The following TMEM33 variants were observed in gnomAD, a reference collection of about 807,000 sequenced individuals.
The protein encoded by TMEM33 is transmembrane protein 33.
In TMEM33, 16 loss-of-function variants were observed where a neutral mutation model predicts 29.7. The observed-to-expected ratio is 0.54, with a 90% CI of 0.36 to 0.82. TMEM33 has a LOEUF of 0.82. TMEM33 is among the 40% of genes least tolerant of loss of function. TMEM33 has a pLI of 0.00. For synonymous variants in TMEM33, 112 were observed against 109.4 expected, an observed-to-expected ratio of 1.02 and a Z score of -0.15; for missense variants, 252 against 295.3, an observed-to-expected ratio of 0.85 and a Z score of 1.08.
At chr4:41,938,962 T>C (rs181330200) in intron 2 of TMEM33, among the ~76,000 whole-genome samples, 3 of 152,382 alleles carry the variant, frequency 2.0e-5, no homozygotes, top group Non-Finnish European at 4.4e-5. Context: ...TTTTTACTTA[T>C]TACTTGACAG....
At chr4:41,947,617 A>G (rs1399322240) in intron 5 of TMEM33, among the ~76,000 whole-genome samples, 1 of 152,242 alleles carries the variant, frequency 6.6e-6, no homozygotes, top group Non-Finnish European at 1.5e-5. Flanking sequence ...TTGAAAAATT[A>G]AAATCAGCTT....
intron 5 of TMEM33, among the ~76,000 whole-genome samples, chr4:41,946,935 A>C (rs1332347680): frequency 1.3e-5 from 2 of 152,118 alleles, no homozygotes; most frequent in East Asian, 3.9e-4. Context: ...ACTAGATGAA[A>C]GTTAAAATGG....
At chr4:41,943,453 A>C (rs1184274308) in intron 3 of TMEM33, among the ~76,000 whole-genome samples, 1 of 151,952 alleles carries the variant, frequency 6.6e-6, no homozygotes, top group Admixed American at 6.6e-5. Flanking sequence ...TGAACCCAGG[A>C]GGTGGAGGTT....
chr4:41,958,631 T>C lies in TMEM33; in HGVS notation c.*4432T>C, dbSNP rs1025468397. 6 of 151,834 alleles carry C rather than the reference T, an allele frequency of 4.0e-5. No homozygotes were observed. Among genetic ancestry groups the C allele is most frequent in the Non-Finnish European group, 8.8e-5 (6 of 67,990 alleles). 9.4% of individuals were successfully genotyped at this position (151,834 alleles called of 1,614,324 possible). ...AAAAGCATATTGAAATTTGTAGATA[T>C]TATATGAGGAATGGCACCTAGATTT... On this transcript the variant is annotated 3_prime_UTR_variant, in exon 7 of 7. Coordinates refer to ENST00000504986, the MANE Select transcript of TMEM33 (RefSeq NM_018126.3).
At chr4:41,941,843 CAGAT>C (rs1027933742) in intron 3 of TMEM33, among the ~76,000 whole-genome samples, 31 of 152,338 alleles carry the variant, frequency 2.0e-4, no homozygotes, top group African/African-American at 5.1e-4. Flanking sequence ...TGATTAATAA[CAGAT>C]AGGGCATTTC....
At chr4:41,947,098 TG>T (rs926828839) in intron 5 of TMEM33, among the ~76,000 whole-genome samples, 23 of 152,082 alleles carry the variant, frequency 1.5e-4, no homozygotes, top group African/African-American at 4.8e-4. Flanking sequence ...TAGCTGGGCC[TG>T]GTGGTGTGTG....
chr4:41,958,817 T>C lies in TMEM33; in HGVS notation c.*4618T>C, dbSNP rs1713377837. The C allele has an allele frequency of 6.7e-6, 1 of 149,884 alleles. No homozygotes were observed. Among genetic ancestry groups the C allele is most frequent in the South Asian group, 2.2e-4 (1 of 4,634 alleles). The allele number at this position is 149,884 out of a possible 1,614,324, so 9.3% of individuals were successfully genotyped here. A position where few individuals can be genotyped will look rare whatever the true frequency, so the allele number is the denominator to read the frequency against. ...TCTGCCTCCTGGGTTAAAGCGATTCTCATGCCTCAGCCTCCCTAGTAGCTG... is the reference window on the plus strand; with the variant it reads ...TCTGCCTCCTGGGTTAAAGCGATTCCCATGCCTCAGCCTCCCTAGTAGCTG... On this transcript the variant is annotated 3_prime_UTR_variant, in exon 7 of 7. Coordinates refer to ENST00000504986, the MANE Select transcript of TMEM33 (RefSeq NM_018126.3).
Position 41,954,540 on chromosome 4 carries a change from G to A in TMEM33, c.*341G>A. On this transcript the variant is annotated 3_prime_UTR_variant, in exon 7 of 7. Coordinates refer to ENST00000504986, the MANE Select transcript of TMEM33 (RefSeq NM_018126.3). ...CTCTAAAATTTGTTTCAACCTAATT[G>A]GTAACCTGAGTTTATATCTGGCATG... The A allele has an allele frequency of 6.0e-6, 1 of 166,276 alleles. No homozygotes were observed. Among genetic ancestry groups the A allele is most frequent in the Non-Finnish European group, 1.3e-5 (1 of 76,240 alleles). 10.3% of individuals were successfully genotyped at this position (166,276 alleles called of 1,614,324 possible). A position where few individuals can be genotyped will look rare whatever the true frequency, so the allele number is the denominator to read the frequency against.
intron 5 of TMEM33, among the ~76,000 whole-genome samples, chr4:41,947,248 AAGAT>A (rs1297383887): frequency 1.3e-5 from 2 of 152,080 alleles, no homozygotes; most frequent in Non-Finnish European, 1.5e-5. Context: ...AAAAAAAAAA[AAGAT>A]AGATACCGAG....
In TMEM33 at chr4:41,958,586, T is replaced by C. The variant is rs1446704717; in HGVS notation, c.*4387T>C. 1.3e-5 allele frequency: 2 copies of C among 151,674 alleles called. No individual in the cohort carries two copies. Among genetic ancestry groups the C allele is most frequent in the African/African-American group, 4.9e-5 (2 of 40,952 alleles). The allele number at this position is 151,674 out of a possible 1,614,324, so 9.4% of individuals were successfully genotyped here. A position where few individuals can be genotyped will look rare whatever the true frequency, so the allele number is the denominator to read the frequency against. ...AGCCCGTTGAACCTCTTTTAAAATTTAGACTTTTGATAGTAATATAAAAGC... is the reference window on the plus strand; with the variant it reads ...AGCCCGTTGAACCTCTTTTAAAATTCAGACTTTTGATAGTAATATAAAAGC... On this transcript the variant is annotated 3_prime_UTR_variant, in exon 7 of 7. Transcript: ENST00000504986.
intron 3 of TMEM33, among the ~76,000 whole-genome samples, chr4:41,943,132 G>T (rs1013692652): frequency 6.6e-6 from 1 of 152,158 alleles, no homozygotes; most frequent in Non-Finnish European, 1.5e-5. Flanking sequence ...ACCCTTTGGG[G>T]TGGCCTAGAT....
At chr4:41,935,559 G>C (rs755847911) in intron 1 of TMEM33, 30 bp downstream of exon 1, 2 of 1,591,008 alleles carry the variant, frequency 1.3e-6, no homozygotes, top group African/African-American at 1.3e-5. Flanking sequence ...AGTCTGGCTT[G>C]ATTTGCAAGA....
rs775121476 is a variant in TMEM33, at chr4:41,944,924, T to C, written c.528T>C (p.Phe176=). Residue 176 remains phenylalanine (F), a splice_region_variant and synonymous_variant, in exon 5 of 7, where the codon TTT becomes TTC. Transcript: ENST00000504986. ...FLMPATVFML[F]SGQGSLLQPF... ...TGCCTGCGACAGTTTTTATGCTTTT[T>C]AGGTAAGGAAAAATTATATTTGTTT... 4.0e-5 allele frequency: 64 copies of C among 1,609,142 alleles called. 1 individual carries two copies. Among genetic ancestry groups the C allele is most frequent in the Non-Finnish European group, 5.4e-5 (64 of 1,178,946 alleles).
intron 3 of TMEM33, among the ~76,000 whole-genome samples, chr4:41,942,873 A>G (rs1242701012): frequency 6.6e-6 from 1 of 152,240 alleles, no homozygotes; most frequent in African/African-American, 2.4e-5. Context: ...GTTAATTTTT[A>G]CAAATTGAGA....
intron 3 of TMEM33, among the ~76,000 whole-genome samples, chr4:41,941,012 ACTT>A (rs1277922832): frequency 2.6e-5 from 4 of 152,270 alleles, no homozygotes; most frequent in Admixed American, 6.5e-5. Context: ...GGTGAGTAAT[ACTT>A]AAGTATACAT....
In TMEM33 at chr4:41,938,631, G is replaced by A. The variant is rs774432694; in HGVS notation, c.75G>A (p.Thr25=). The A allele has an allele frequency of 1.7e-5, 28 of 1,613,876 alleles. No individual in the cohort carries two copies. The highest frequency in any genetic ancestry group is 3.3e-5 in the South Asian group (3 of 91,086). Reference sequence around the variant, plus strand: ...TCATGATGACCAATAAACTGGACACGGCAATGTGGCTTTCTCGCTTGTTCA... The same window carrying A: ...TCATGATGACCAATAAACTGGACACAGCAATGTGGCTTTCTCGCTTGTTCA... The part of the protein sequence containing the change: ...VQFMMTNKLD[T]AMWLSRLFTV... Residue 25 remains threonine, a synonymous_variant, in exon 2 of 7, where the codon ACG becomes ACA. Transcript: ENST00000504986.
chr4:41,949,386 G>A lies in TMEM33; in HGVS notation c.614+1G>A. ...CGTCTCGAAGAAACCCATATTGTCG[G>A]TAAGCTGATGATTATTTTAGGCATG... is the stretch of plus-strand genomic sequence containing the variant. On this transcript the variant is annotated splice_donor_variant, in intron 6 of 6. Coordinates refer to ENST00000504986, the MANE Select transcript of TMEM33 (RefSeq NM_018126.3). LOFTEE classifies it high-confidence loss of function. The A allele has an allele frequency of 6.2e-7, 1 of 1,602,578 alleles. No individual in the cohort carries two copies. The highest frequency in any genetic ancestry group is 8.5e-7 in the Non-Finnish European group (1 of 1,173,122).
intron 6 of TMEM33, among the ~76,000 whole-genome samples, chr4:41,951,329 CAT>C (rs747718245): frequency 9.2e-5 from 14 of 152,152 alleles, no homozygotes; most frequent in Non-Finnish European, 1.8e-4. Context: ...GGTCAGCACA[CAT>C]ATGCAAAAAT....
rs772700466 is a variant in TMEM33, at chr4:41,949,354, C to G, written c.583C>G (p.Arg195Gly). Residue 195 changes from arginine (R) to glycine (G), a missense_variant, in exon 6 of 7, where the codon CGA (arginine) becomes GGA (glycine). By Grantham distance (125) the Arg-to-Gly change is moderately radical. Transcript: ENST00000504986. The part of the protein sequence containing the change: ...PFIYYRFLTL[R>G]YSSRRNPYCR... ...TATATACTATAGATTTCTTACCCTTCGATATTCGTCTCGAAGAAACCCATA... is the reference window on the plus strand; with the variant it reads ...TATATACTATAGATTTCTTACCCTTGGATATTCGTCTCGAAGAAACCCATA... 6.2e-7 allele frequency: 1 copy of G among 1,610,574 alleles called. No individual in the cohort carries two copies.
Sources: allele counts gnomAD v4.1 joint callset (sites outside exome capture counted in the v4.1 genomes callset), GRCh38; gene constraint gnomAD v4.1.1; transcripts MANE v1.5; gene names NCBI Gene and HGNC (gene_info 2026-07-23, HGNC 2026-07-21).